Variants in SEMA6D observed in about 807,000 individuals in gnomAD.
SEMA6D encodes the protein semaphorin-6D.
A neutral mutation model predicts 106.6 loss-of-function variants in SEMA6D; 35 were observed. The observed-to-expected ratio is 0.33, with a 90% CI of 0.25 to 0.44. The LOEUF (loss-of-function observed/expected upper bound fraction) is 0.44, where lower values mean the gene tolerates loss of function less well. Among genes scored for constraint, SEMA6D ranks in the 20% least tolerant of loss-of-function variants. The probability of loss-of-function intolerance (pLI) is 1.00; values close to 1 mark genes in which losing one functional copy is unlikely to be tolerated. For missense variants in SEMA6D, 1,185 were observed against 1,345.9 expected (o/e 0.88, Z 1.87); for synonymous variants, 499 against 487.7 (o/e 1.02, Z -0.31).
chr15:47,369,521 C>T (rs2039191248), intron 1 of SEMA6D, among the ~76,000 whole-genome samples: 2 of 152,142 alleles, frequency 1.3e-5, no homozygotes, highest in African/African-American at 2.4e-5. Flanking sequence ...TTAAATTCTC[C>T]CATTAAAATT....
chr15:47,548,867 A>C lies in SEMA6D; in HGVS notation c.-86-51998A>C, dbSNP rs147276443. On this transcript the variant is annotated intron_variant, in intron 3 of 19. Coordinates refer to the SEMA6D transcript ENST00000558014. The stretch of plus-strand genomic sequence containing the variant: ...AATGCAGGAAGTTATGATACCATAT[A>C]ATTCTAATGGACTTTCCTGGAAGAT... Among the ~76,000 whole-genome samples, 328 of 152,258 alleles carry C rather than the reference A, an allele frequency of 2.2e-3. 2 individuals carry two copies. Among genetic ancestry groups the C allele is most frequent in the African/African-American group, 7.3e-3 (302 of 41,556 alleles).
At chr15:47,703,347 T>C (rs954873029) in intron 4 of SEMA6D, among the ~76,000 whole-genome samples, 1 of 152,228 alleles carries the variant, frequency 6.6e-6, no homozygotes, top group African/African-American at 2.4e-5. Context: ...ATTTTCATGC[T>C]TTTTTTCTAA....
intron 1 of SEMA6D, among the ~76,000 whole-genome samples, chr15:47,408,991 G>C (rs545175747): frequency 6.6e-6 from 1 of 152,162 alleles, no homozygotes; most frequent in African/African-American, 2.4e-5. Context: ...ACTGAATGTT[G>C]AACTTTGGAT....
intron 4 of SEMA6D, among the ~76,000 whole-genome samples, chr15:47,687,673 G>A (rs2078498271): frequency 6.6e-6 from 1 of 152,190 alleles, no homozygotes; most frequent in South Asian, 2.1e-4. Context: ...GAAGCATGTG[G>A]AGAATAAGCA....
intron 1 of SEMA6D, among the ~76,000 whole-genome samples, chr15:47,742,583 G>T (rs558762710): frequency 9.2e-5 from 14 of 152,346 alleles, no homozygotes; most frequent in African/African-American, 3.1e-4. Flanking sequence ...TTGGGCTGGG[G>T]TTGTGTTTGT....
At chr15:47,413,469 T>C (rs1444127383) in intron 2 of SEMA6D, among the ~76,000 whole-genome samples, 1 of 152,134 alleles carries the variant, frequency 6.6e-6, no homozygotes, top group East Asian at 1.9e-4. Context: ...ACCATTTTAA[T>C]ATATTTTCTT....
At chr15:47,545,006 A>G (rs1435848248) in intron 3 of SEMA6D, among the ~76,000 whole-genome samples, 1 of 152,126 alleles carries the variant, frequency 6.6e-6, no homozygotes, top group African/African-American at 2.4e-5. Flanking sequence ...AGACTTATCT[A>G]AAACTACTAT....
intron 2 of SEMA6D, among the ~76,000 whole-genome samples, chr15:47,438,174 C>G (rs1446349108): frequency 2.6e-5 from 4 of 152,116 alleles, no homozygotes; most frequent in African/African-American, 7.2e-5. Context: ...TCACATCTCA[C>G]ATCTCATCTA....
chr15:47,219,964 C>T (rs145931758), intron 1 of SEMA6D, among the ~76,000 whole-genome samples: 18 of 152,278 alleles, frequency 1.2e-4, no homozygotes, highest in African/African-American at 4.1e-4. Context: ...CTCTAATCCA[C>T]GTAGTGTCTC....
intron 1 of SEMA6D, among the ~76,000 whole-genome samples, chr15:47,325,479 G>A (rs1029720791): frequency 3.3e-5 from 5 of 152,194 alleles, no homozygotes; most frequent in African/African-American, 9.6e-5. Flanking sequence ...GCAGGGTGAA[G>A]CGTTTTAGAT....
intron 1 of SEMA6D, among the ~76,000 whole-genome samples, chr15:47,246,428 ATTATC>A (rs976975120): frequency 2.6e-5 from 4 of 152,180 alleles, no homozygotes; most frequent in African/African-American, 9.6e-5. Flanking sequence ...AAATCCACCC[ATTATC>A]TTATATCTTT....
chr15:47,687,771 A>G (rs1753236853), intron 4 of SEMA6D, among the ~76,000 whole-genome samples: 1 of 152,162 alleles, frequency 6.6e-6, no homozygotes, highest in African/African-American at 2.4e-5. Flanking sequence ...AGAAGCAACC[A>G]GATGTGGTAA....
At chr15:47,524,754 G>C (rs1237488773) in intron 3 of SEMA6D, among the ~76,000 whole-genome samples, 2 of 152,182 alleles carry the variant, frequency 1.3e-5, no homozygotes, top group South Asian at 2.1e-4. Flanking sequence ...TTCCCACATA[G>C]ATGAGTTGGG....
intron 4 of SEMA6D, among the ~76,000 whole-genome samples, chr15:47,688,265 G>A (rs1355295764): frequency 3.3e-5 from 5 of 152,066 alleles, no homozygotes. Context: ...AGCTGATCAG[G>A]TCATGCTGAG....
chr15:47,667,812 G>A (rs185430436), intron 4 of SEMA6D, among the ~76,000 whole-genome samples: 1 of 152,254 alleles, frequency 6.6e-6, no homozygotes, highest in East Asian at 1.9e-4. Flanking sequence ...AATTTGGGGG[G>A]ATGTAAACAT....
chr15:47,661,390 T>A (rs998568940), intron 4 of SEMA6D, among the ~76,000 whole-genome samples: 2 of 152,198 alleles, frequency 1.3e-5, no homozygotes, highest in African/African-American at 4.8e-5. Flanking sequence ...TGAAATATAT[T>A]TTAGAATTAA....
chr15:47,335,124 G>A (rs1219954275), intron 1 of SEMA6D, among the ~76,000 whole-genome samples: 1 of 152,014 alleles, frequency 6.6e-6, no homozygotes, highest in Non-Finnish European at 1.5e-5. Flanking sequence ...TCAGTATGGG[G>A]GAAGGGCAAA....
At chr15:47,360,669 G>A (rs1176347365) in intron 1 of SEMA6D, among the ~76,000 whole-genome samples, 1 of 152,088 alleles carries the variant, frequency 6.6e-6, no homozygotes, top group African/African-American at 2.4e-5. Flanking sequence ...TTTACACAAA[G>A]GAAAATTTAG....
At chr15:47,187,243 T>C (rs1893642180) in intron 1 of SEMA6D, among the ~76,000 whole-genome samples, 1 of 152,174 alleles carries the variant, frequency 6.6e-6, no homozygotes, top group Non-Finnish European at 1.5e-5. Flanking sequence ...ACTAAAACCT[T>C]ATTAAGAGAT....
Sources: allele counts gnomAD v4.1 joint callset (sites outside exome capture counted in the v4.1 genomes callset), GRCh38; gene constraint gnomAD v4.1.1; transcripts MANE v1.5; gene names NCBI Gene and HGNC (gene_info 2026-07-23, HGNC 2026-07-21).